REDIC1: variants seen among roughly 807,000 people sequenced by gnomAD.
REDIC1 encodes HEI10 Interacting Protein 1.
the REDIC1 span, among the ~76,000 whole-genome samples, chr12:39,665,730 G>A: frequency 6.6e-6 from 1 of 151,314 alleles, no homozygotes; most frequent in East Asian, 1.9e-4. Context: ...CCATTTGTTT[G>A]TATCCTCTTT....
At chr12:39,825,193 C>T in the REDIC1 span, among the ~76,000 whole-genome samples, 1 of 152,010 alleles carries the variant, frequency 6.6e-6, no homozygotes, top group Non-Finnish European at 1.5e-5. Context: ...GAAAGTGTCC[C>T]TCATTAGCAA....
At chr12:39,895,015 T>C in the REDIC1 span, among the ~76,000 whole-genome samples, 2 of 152,104 alleles carry the variant, frequency 1.3e-5, no homozygotes, top group Non-Finnish European at 2.9e-5. Flanking sequence ...AGGGAAGAGA[T>C]AGAATCATAA....
chr12:39,881,007 T>G, the REDIC1 span, among the ~76,000 whole-genome samples: 1 of 152,238 alleles, frequency 6.6e-6, no homozygotes. Context: ...GTATAACAGG[T>G]TACATGTGAT....
chr12:39,821,712 C>CT, the REDIC1 span, among the ~76,000 whole-genome samples: 2 of 152,146 alleles, frequency 1.3e-5, no homozygotes, highest in Non-Finnish European at 2.9e-5. Flanking sequence ...AACTCCATGC[C>CT]TTAAAGCTTT....
the REDIC1 span, among the ~76,000 whole-genome samples, chr12:39,751,360 A>G: frequency 2.0e-5 from 3 of 152,232 alleles, no homozygotes; most frequent in African/African-American, 7.2e-5. Flanking sequence ...ATACCATCTC[A>G]CACACCAGTT....
chr12:39,834,143 C>T, the REDIC1 span, among the ~76,000 whole-genome samples: 22 of 152,036 alleles, frequency 1.4e-4, no homozygotes, highest in Non-Finnish European at 1.2e-4. Context: ...GGCTGTGTCA[C>T]ATAAAACTTT....
chr12:39,702,981 T>C, the REDIC1 span, among the ~76,000 whole-genome samples: 3 of 152,200 alleles, frequency 2.0e-5, no homozygotes, highest in African/African-American at 7.2e-5. Flanking sequence ...AGTATCATAC[T>C]GAATGGGCAA....
At chr12:39,855,990 G>T in the REDIC1 span, among the ~76,000 whole-genome samples, 1 of 152,162 alleles carries the variant, frequency 6.6e-6, no homozygotes. Context: ...GGCTTGAACT[G>T]CTGGGTCTAC....
the REDIC1 span, among the ~76,000 whole-genome samples, chr12:39,742,342 G>C: frequency 6.6e-6 from 1 of 152,048 alleles, no homozygotes; most frequent in Non-Finnish European, 1.5e-5. Flanking sequence ...GTAATTGCCA[G>C]GTATACATTT....
the REDIC1 span, among the ~76,000 whole-genome samples, chr12:39,681,582 G>A: frequency 6.6e-6 from 1 of 152,040 alleles, no homozygotes; most frequent in Non-Finnish European, 1.5e-5. Context: ...GTGTATATTA[G>A]TGCATACTAT....
the REDIC1 span, among the ~76,000 whole-genome samples, chr12:39,703,675 A>C: frequency 6.6e-6 from 1 of 152,210 alleles, no homozygotes; most frequent in Non-Finnish European, 1.5e-5. Context: ...CCTGACTTCA[A>C]ACTATACTAC....
the REDIC1 span, among the ~76,000 whole-genome samples, chr12:39,793,913 C>A: frequency 1.3e-5 from 2 of 151,984 alleles, no homozygotes; most frequent in African/African-American, 4.8e-5. Context: ...TGACTTTTAT[C>A]TCAGTGAGCT....
chr12:39,712,952 TATATGC>T, the REDIC1 span, among the ~76,000 whole-genome samples: 1 of 144,982 alleles, frequency 6.9e-6, no homozygotes, highest in African/African-American at 2.5e-5. Flanking sequence ...TGTATATACA[TATATGC>T]ATATACGTGT....
chr12:39,887,932 A>G, the REDIC1 span, among the ~76,000 whole-genome samples: 1 of 152,154 alleles, frequency 6.6e-6, no homozygotes. Context: ...TTTTCCTTCT[A>G]ATTTCAGGAA....
the REDIC1 span, among the ~76,000 whole-genome samples, chr12:39,729,259 A>C: frequency 6.6e-6 from 1 of 152,128 alleles, no homozygotes; most frequent in East Asian, 1.9e-4. Flanking sequence ...TTAAGGTGTC[A>C]ATTTTAGATC....
the REDIC1 span, among the ~76,000 whole-genome samples, chr12:39,728,185 T>C: frequency 6.6e-6 from 1 of 152,194 alleles, no homozygotes; most frequent in African/African-American, 2.4e-5. Context: ...CTATGTTGAA[T>C]AGGAGTGGTG....
chr12:39,824,490 G>A, the REDIC1 span, among the ~76,000 whole-genome samples: 1 of 152,208 alleles, frequency 6.6e-6, no homozygotes. Flanking sequence ...TTATACCTGT[G>A]TTCAATCGGA....
At chr12:39,850,480 T>C in the REDIC1 span, among the ~76,000 whole-genome samples, 2 of 152,128 alleles carry the variant, frequency 1.3e-5, no homozygotes, top group Non-Finnish European at 1.5e-5. Flanking sequence ...TAATACTAAC[T>C]TAGGATGCTT....
At chr12:39,675,156 T>G in the REDIC1 span, among the ~76,000 whole-genome samples, 4,397 of 152,196 alleles carry the variant, frequency 0.029, 108 homozygotes, top group Middle Eastern at 0.075. Flanking sequence ...ACCGGAGGCT[T>G]TCTCTCAGTG....
Sources: allele counts gnomAD v4.1 joint callset (sites outside exome capture counted in the v4.1 genomes callset), GRCh38; gene constraint gnomAD v4.1.1; transcripts MANE v1.5; gene names NCBI Gene and HGNC (gene_info 2026-07-23, HGNC 2026-07-21).